SETD3: variants seen among roughly 807,000 people sequenced by gnomAD.
SETD3 encodes the protein SET domain containing 3, actin N3(tau)-histidine methyltransferase.
Under a neutral mutation model 63.0 loss-of-function variants are expected in SETD3, and 19 were observed. The observed-to-expected ratio is 0.30, with a 90% CI of 0.21 to 0.44. The LOEUF is 0.44. Ranked by LOEUF, SETD3 falls within the 20% of genes least tolerant of loss-of-function variation. The pLI is 1.00. For synonymous variants in SETD3, 286 were observed against 264.1 expected (o/e 1.08, Z -0.80); for missense variants, 587 against 728.5 (o/e 0.81, Z 2.24).
intron 6 of SETD3, among the ~76,000 whole-genome samples, chr14:99,423,996 G>T (rs1892741641): frequency 6.7e-6 from 1 of 149,528 alleles, no homozygotes; most frequent in Admixed American, 6.7e-5. Flanking sequence ...ATCTCACATT[G>T]TTAAGAATGA....
At chr14:99,410,443 C>T (rs1891923976) in intron 8 of SETD3, among the ~76,000 whole-genome samples, 1 of 152,134 alleles carries the variant, frequency 6.6e-6, no homozygotes, top group Non-Finnish European at 1.5e-5. Context: ...CCTTTCATCC[C>T]ACCTGGTAGA....
At chr14:99,484,211 G>A (rs1896426681), upstream of SETD3, among the ~76,000 whole-genome samples, 1 of 152,230 alleles carries the variant, frequency 6.6e-6, no homozygotes, top group African/African-American at 2.4e-5. Flanking sequence ...TTGTGATGCT[G>A]CTTGCTAGCT....
upstream of SETD3, among the ~76,000 whole-genome samples, chr14:99,483,346 C>G (rs984982525): frequency 6.6e-6 from 1 of 151,802 alleles, no homozygotes; most frequent in Non-Finnish European, 1.5e-5. Flanking sequence ...CTCAGGAGTT[C>G]AAGACCATCC....
At chr14:99,463,417 C>A in intron 3 of SETD3, 69 bp downstream of exon 3, 1 of 1,232,298 alleles carries the variant, frequency 8.1e-7, no homozygotes. Context: ...TACTACTCGT[C>A]AACCCTTTGA....
At chr14:99,430,927 A>G (rs1322998315) in intron 6 of SETD3, among the ~76,000 whole-genome samples, 3 of 152,218 alleles carry the variant, frequency 2.0e-5, no homozygotes, top group Non-Finnish European at 2.9e-5. Flanking sequence ...CTAATCTAAC[A>G]GTAACAATAA....
chr14:99,460,536 G>A (rs557104431), intron 4 of SETD3, among the ~76,000 whole-genome samples: 30 of 152,158 alleles, frequency 2.0e-4, no homozygotes, highest in Non-Finnish European at 3.1e-4. Flanking sequence ...AGCTCCCATC[G>A]AGAAAAAGGC....
chr14:99,483,116 A>G (rs903722804), upstream of SETD3, among the ~76,000 whole-genome samples: 2 of 152,226 alleles, frequency 1.3e-5, no homozygotes, highest in African/African-American at 4.8e-5. Context: ...CTGTTTTCAC[A>G]TAGAACCATT....
At chr14:99,420,874 CT>C (rs903795749) in intron 6 of SETD3, among the ~76,000 whole-genome samples, 2 of 130,374 alleles carry the variant, frequency 1.5e-5, no homozygotes, top group Admixed American at 1.8e-4. Flanking sequence ...GGCTGGGAAC[CT>C]GCCAGGTCAT....
chr14:99,437,600 A>C (rs1419958533), intron 6 of SETD3, among the ~76,000 whole-genome samples: 1 of 152,230 alleles, frequency 6.6e-6, no homozygotes, highest in Non-Finnish European at 1.5e-5. Flanking sequence ...CTACCAAAAA[A>C]GAAAAGGCAC....
chr14:99,399,741 ATTTTTTTT>A (rs150317244), intron 12 of SETD3, among the ~76,000 whole-genome samples: 1 of 127,726 alleles, frequency 7.8e-6, no homozygotes. Context: ...CTTTCATTAA[ATTTTTTTT>A]TTTTTTTTTT....
chr14:99,448,358 G>A (rs1296507224), intron 6 of SETD3, among the ~76,000 whole-genome samples: 1 of 152,200 alleles, frequency 6.6e-6, no homozygotes, highest in East Asian at 1.9e-4. Flanking sequence ...TCTCAGCACA[G>A]CTTCAGCCCC....
At chr14:99,461,100 C>A in intron 4 of SETD3, 92 bp downstream of exon 4, 3 of 1,445,080 alleles carry the variant, frequency 2.1e-6, no homozygotes, top group Non-Finnish European at 2.8e-6. Context: ...AGAACTCCCC[C>A]ACCACACGTC....
intron 6 of SETD3, among the ~76,000 whole-genome samples, chr14:99,433,234 G>C (rs1893280436): frequency 6.6e-6 from 1 of 152,026 alleles, no homozygotes; most frequent in African/African-American, 2.4e-5. Context: ...AATGACACTA[G>C]TATACTTAAA....
chr14:99,419,245 A>G (rs1023634129), intron 6 of SETD3, among the ~76,000 whole-genome samples: 2 of 152,244 alleles, frequency 1.3e-5, no homozygotes, highest in African/African-American at 4.8e-5. Context: ...CACTGAATTA[A>G]GATTTTCTGC....
chr14:99,473,080 C>T (rs2139814967), intron 1 of SETD3, among the ~76,000 whole-genome samples: 1 of 152,338 alleles, frequency 6.6e-6, no homozygotes, highest in South Asian at 2.1e-4. Context: ...CACCAACAAC[C>T]TCCCCATCTA....
chr14:99,408,101 G>A (rs1489409715), intron 8 of SETD3, among the ~76,000 whole-genome samples: 1 of 152,120 alleles, frequency 6.6e-6, no homozygotes, highest in Non-Finnish European at 1.5e-5. Context: ...TGCTAATAAG[G>A]TATCAATAGC....
intron 6 of SETD3, among the ~76,000 whole-genome samples, chr14:99,428,918 A>G (rs1178247050): frequency 1.3e-5 from 2 of 152,198 alleles, no homozygotes; most frequent in Non-Finnish European, 2.9e-5. Context: ...CCTGCAGCAG[A>G]CAGCCCAACT....
At chr14:99,484,794 T>C (rs1896444009), upstream of SETD3, among the ~76,000 whole-genome samples, 1 of 152,238 alleles carries the variant, frequency 6.6e-6, no homozygotes, top group Non-Finnish European at 1.5e-5. Context: ...ATTTCGATAT[T>C]GGGTGAGATA....
rs182641834 is a variant in SETD3, at chr14:99,463,030, G to A, written c.196+456C>T. 3.0e-3 allele frequency among the ~76,000 whole-genome samples: 458 copies of A among 152,162 alleles called. 2 individuals are homozygous for A. The highest frequency in any genetic ancestry group is 2.7e-3 in the Non-Finnish European group (184 of 68,010). Reference sequence around the variant, plus strand: ...AATCATTACAATGGCGACTGCATACGTCCTGTAAAAACACAGCTTAAGGAA... The same window carrying A: ...AATCATTACAATGGCGACTGCATACATCCTGTAAAAACACAGCTTAAGGAA... On this transcript the variant is annotated intron_variant, in intron 3 of 12. Transcript: ENST00000331768.
Sources: allele counts gnomAD v4.1 joint callset (sites outside exome capture counted in the v4.1 genomes callset), GRCh38; gene constraint gnomAD v4.1.1; transcripts MANE v1.5; gene names NCBI Gene and HGNC (gene_info 2026-07-23, HGNC 2026-07-21).